PHLDB1: variants seen among roughly 807,000 people sequenced by gnomAD.
PHLDB1 encodes pleckstrin homology like domain family B member 1, also known as pleckstrin homology-like domain family B member 1.
A neutral mutation model predicts 139.3 loss-of-function variants in PHLDB1; 65 were observed. That is an observed-to-expected ratio of 0.47 (90% CI 0.38 to 0.57). The LOEUF is 0.57. Ranked by LOEUF, PHLDB1 falls within the 20% of genes least tolerant of loss-of-function variation. PHLDB1 has a pLI of 0.00. For missense variants in PHLDB1, 1,624 were observed against 1,839.7 expected (o/e 0.88, Z 2.14); for synonymous variants, 679 against 734.5 (o/e 0.92, Z 1.22).
chr11:118,645,783 G>A lies in PHLDB1; in HGVS notation c.3465G>A (p.Leu1155=). The A allele has an allele frequency of 1.9e-6, 3 of 1,613,800 alleles. No homozygotes were observed. Among genetic ancestry groups the A allele is most frequent in the Non-Finnish European group, 2.5e-6 (3 of 1,179,722 alleles). ...MGKIEEMEKM[L]KEAHAEKNRL... ...AGATCGAGGAGATGGAGAAGATGCT[G>A]AAAGAGGCTCATGCAGAGAAGAACC... The change falls in exon 17 of 23, where the codon CTG becomes CTA. Residue 1155 remains leucine (L), a synonymous_variant. Transcript: ENST00000600882. The surrounding 1 kb of genome is among the most constrained non-coding windows in gnomAD (Gnocchi z 5.1).
At chr11:118,612,436 A>G (rs1940639233) in intron 1 of PHLDB1, among the ~76,000 whole-genome samples, 1 of 152,172 alleles carries the variant, frequency 6.6e-6, no homozygotes. Flanking sequence ...AGTCTAAGGA[A>G]GCAGTACAGC....
At position 118,628,199 on chromosome 11, in the gene PHLDB1, C is replaced by A. The variant is rs781967890; in HGVS notation, c.1376C>A (p.Pro459His). 5 of 1,614,098 alleles carry A rather than the reference C, an allele frequency of 3.1e-6. No individual in the cohort carries two copies. Among genetic ancestry groups the A allele is most frequent in the East Asian group, 2.2e-5 (1 of 44,864 alleles). Residue 459 changes from proline (P) to histidine (H), a missense_variant, in exon 6 of 23, where the codon CCC (proline) becomes CAC (histidine). By Grantham distance (77) the Pro-to-His change is moderately conservative. Transcript: ENST00000600882. ...RGLDSMRELP[P>H]LSPSLSRRAL... ...CTGGACAGTATGCGAGAACTACCCC[C>A]CTTAAGTCCATCTCTGTCCCGGCGA...
In PHLDB1 at chr11:118,650,515, A is replaced by G; in HGVS notation, c.3842A>G (p.Asp1281Gly). ...KSWKKRWFVF[D>G]RLKRTLSYYV... ...TGGAAGAAGCGCTGGTTTGTCTTCG[A>G]CCGGCTCAAGCGCACCCTTTCCTAT... Residue 1281 changes from aspartate (D) to glycine (G), a missense_variant, in exon 20 of 23, where the codon GAC becomes GGC. Coordinates refer to ENST00000600882, the MANE Select transcript of PHLDB1 (RefSeq NM_001144758.3). The surrounding 1 kb of genome is among the most constrained non-coding windows in gnomAD (Gnocchi z 4.7). 1 of 1,614,058 alleles carries G rather than the reference A, an allele frequency of 6.2e-7. No homozygotes were observed. Among genetic ancestry groups the G allele is most frequent in the Non-Finnish European group, 8.5e-7 (1 of 1,179,932 alleles).
rs782261861 is a variant in PHLDB1 at position 118,645,399 on chromosome 11, G to A, written c.3165G>A (p.Leu1055=). The change falls in exon 16 of 23, where the codon CTG becomes CTA. Residue 1055 remains leucine, a synonymous_variant. Transcript: ENST00000600882. This position sits in a 1 kb window ranked among gnomAD's most constrained non-coding sequence, Gnocchi z 5.1. ...IEEQRRRLAE[L]KQKAAAEAQC... is the part of the protein sequence containing the mutation. ...AGCAGCGGCGGCGACTGGCTGAGCT[G>A]AAGCAGAAAGCGGCAGCTGAGGCAC... 1 of 1,526,288 alleles carries A rather than the reference G, an allele frequency of 6.6e-7. No homozygotes were observed. The highest frequency in any genetic ancestry group is 8.8e-7 in the Non-Finnish European group (1 of 1,136,968). The allele number at this position is 1,526,288 out of a possible 1,614,324, so 94.5% of individuals were successfully genotyped here.
In PHLDB1 at chr11:118,616,905, C is replaced by T. The variant is rs188580039; in HGVS notation, c.355+694C>T. Reference sequence around the variant, plus strand: ...ACCCAAAATACAAAAATTAGCCACACGTGGTGGCACACGCCTGTAGTCCTA... The same window carrying T: ...ACCCAAAATACAAAAATTAGCCACATGTGGTGGCACACGCCTGTAGTCCTA... On this transcript the variant is annotated intron_variant, in intron 4 of 22. Transcript: ENST00000600882. Among the ~76,000 whole-genome samples, 69 of 152,158 alleles carry T rather than the reference C, an allele frequency of 4.5e-4. No homozygotes were observed. In the East Asian group the frequency reaches 9.1e-3, roughly 20 times the overall value.
At position 118,627,945 on chromosome 11, in the gene PHLDB1, A is replaced by G; in HGVS notation, c.1122A>G (p.Gln374=). ...SEYPASGALS[Q]PTSIPGSPKF... Reference sequence around the variant, plus strand: ...ACCCAGCTTCTGGTGCTCTCAGTCAACCCACCAGCATTCCTGGCAGCCCCA... The same window carrying G: ...ACCCAGCTTCTGGTGCTCTCAGTCAGCCCACCAGCATTCCTGGCAGCCCCA... The change falls in exon 6 of 23, where the codon CAA becomes CAG. Residue 374 remains glutamine (Q), a synonymous_variant. Transcript: ENST00000600882. The G allele has an allele frequency of 6.2e-7, 1 of 1,613,428 alleles. No individual in the cohort carries two copies. Among genetic ancestry groups the G allele is most frequent in the Non-Finnish European group, 8.5e-7 (1 of 1,179,988 alleles).
intron 12 of PHLDB1, chr11:118,641,825 G>C (rs1555121088): frequency 4.8e-6 from 6 of 1,261,174 alleles, no homozygotes; most frequent in Middle Eastern, 2.2e-4. Flanking sequence ...ACCCATGACT[G>C]GTGTGCTCTG....
In PHLDB1 at chr11:118,610,974, G is replaced by A. The variant is rs1486829702; in HGVS notation, c.-21-2842G>A. 1.3e-5 allele frequency among the ~76,000 whole-genome samples: 2 copies of A among 152,150 alleles called. No individual in the cohort carries two copies. The highest frequency in any genetic ancestry group is 2.9e-5 in the Non-Finnish European group (2 of 68,004). ...ACCCAGCGTGCGGGAGGGCACCCAGGGCCGGACGCGCACCGCAGGGGTCTT... is the reference window on the plus strand; with the variant it reads ...ACCCAGCGTGCGGGAGGGCACCCAGAGCCGGACGCGCACCGCAGGGGTCTT... On this transcript the variant is annotated intron_variant, in intron 1 of 22. Transcript: ENST00000600882. This position sits in a 1 kb window ranked among gnomAD's most constrained non-coding sequence, Gnocchi z 8.7.
Position 118,628,510 on chromosome 11 carries a change from T to C in PHLDB1, c.1687T>C (p.Ser563Pro). ...GAGTCCCTGTGTCCAGAGGAAGCTC[T>C]CCAGCGGGGACTTGCGGGTGCCTGT... ...CQSPCVQRKL[S>P]SGDLRVPVTR... is the part of the protein sequence containing the mutation. The change falls in exon 6 of 23, where the codon TCC becomes CCC. Residue 563 changes from serine (S) to proline (P), a missense_variant. By Grantham distance (74) the Ser-to-Pro change is moderately conservative. Coordinates refer to ENST00000600882, the MANE Select transcript of PHLDB1 (RefSeq NM_001144758.3). The C allele has an allele frequency of 1.2e-6, 2 of 1,613,246 alleles. No individual in the cohort carries two copies. The highest frequency in any genetic ancestry group is 8.5e-7 in the Non-Finnish European group (1 of 1,180,022).
In PHLDB1 at chr11:118,611,824, A is replaced by AT. The variant is rs11425129; in HGVS notation, c.-21-1992_-21-1991insT. Among the ~76,000 whole-genome samples, 41,599 of 148,208 alleles carry AT rather than the reference A, an allele frequency of 0.28. 6,754 individuals are homozygous for AT. Among genetic ancestry groups the AT allele is most frequent in the East Asian group, 0.43 (2,199 of 5,084 alleles). ...CAAGAGTGAAACTCCGTCTCAAAAAAAAAAAAAAAATAATAATAATAATAA... is the reference window on the plus strand; with the variant it reads ...CAAGAGTGAAACTCCGTCTCAAAAAATAAAAAAAAAATAATAATAATAATAA... On this transcript the variant is annotated intron_variant, in intron 1 of 22. Transcript: ENST00000600882. The surrounding 1 kb of genome is among the most constrained non-coding windows in gnomAD (Gnocchi z 4.7).
intron 4 of PHLDB1, among the ~76,000 whole-genome samples, chr11:118,617,087 C>T (rs575152572): frequency 6.6e-6 from 1 of 152,088 alleles, no homozygotes; most frequent in East Asian, 1.9e-4. Flanking sequence ...AAAAACTAGG[C>T]CCATAATTAC....
chr11:118,642,416 G>A lies in PHLDB1; in HGVS notation c.2877+22G>A, dbSNP rs377347291. On this transcript the variant is annotated intron_variant, in intron 13 of 22. Transcript: ENST00000600882. ...GCAGGTAACCCCTCCTTCACTGCCCGTCCTCCCCAGCCTTTGCACCTGTCC... is the reference window on the plus strand; with the variant it reads ...GCAGGTAACCCCTCCTTCACTGCCCATCCTCCCCAGCCTTTGCACCTGTCC... 981 of 1,601,056 alleles carry A rather than the reference G, an allele frequency of 6.1e-4. 2 individuals are homozygous for A. Among genetic ancestry groups the A allele is most frequent in the Non-Finnish European group, 7.6e-4 (900 of 1,178,204 alleles).
At chr11:118,649,290 A>G (rs1458476902) in intron 18 of PHLDB1, among the ~76,000 whole-genome samples, 1 of 150,900 alleles carries the variant, frequency 6.6e-6, no homozygotes, top group African/African-American at 2.4e-5. Flanking sequence ...CAGGAAAAAA[A>G]AAAAAGAAAA....
intron 5 of PHLDB1, among the ~76,000 whole-genome samples, chr11:118,625,315 G>T (rs1943668194): frequency 2.0e-5 from 3 of 152,214 alleles, no homozygotes; most frequent in Admixed American, 2.0e-4. Flanking sequence ...GTACCCCACT[G>T]CCCTGGAGGA....
chr11:118,643,397 T>C (rs1555123084), intron 13 of PHLDB1: 1 of 373,912 alleles, frequency 2.7e-6, no homozygotes, highest in Non-Finnish European at 3.7e-6. Context: ...CCCCCTTCTT[T>C]TGCAGATAAG....
chr11:118,635,277 C>T, intron 9 of PHLDB1, 116 bp from the exon 10 acceptor site: 4 of 1,253,444 alleles, frequency 3.2e-6, no homozygotes, highest in Non-Finnish European at 4.4e-6. Flanking sequence ...AGGCAGGTTT[C>T]TTACCCAATT....
chr11:118,610,489 G>T lies in PHLDB1; in HGVS notation c.-22+2790G>T. The T allele has an allele frequency of 1.0e-6, 1 of 984,406 alleles. No individual in the cohort carries two copies. The highest frequency in any genetic ancestry group is 1.7e-5 in the African/African-American group (1 of 57,346). The allele number at this position is 984,406 out of a possible 1,614,324, so 61.0% of individuals were successfully genotyped here. A position where few individuals can be genotyped will look rare whatever the true frequency, so the allele number is the denominator to read the frequency against. On this transcript the variant is annotated intron_variant, in intron 1 of 22. Transcript: ENST00000600882. This position sits in a 1 kb window ranked among gnomAD's most constrained non-coding sequence, Gnocchi z 8.7. ...GGGCCTCTGGCCACAGCCATGCACC[G>T]CTTGGGCCGAGGCCGAGGCCGACCC... is the stretch of plus-strand genomic sequence containing the variant.
rs140767917 is a variant in PHLDB1, at chr11:118,618,500, G to C, written c.355+2289G>C. On this transcript the variant is annotated intron_variant, in intron 4 of 22. Transcript: ENST00000600882. ...TGTGTAACCGGAGTGTGTTTATGTA[G>C]CTCCGGATGTGTTTGTGACTCTGGG... Among the ~76,000 whole-genome samples the C allele has an allele frequency of 9.8e-4, 149 of 152,204 alleles. 2 individuals are homozygous for C. Among genetic ancestry groups the C allele is most frequent in the East Asian group, 3.1e-3 (16 of 5,170 alleles).
In PHLDB1 at chr11:118,644,061, T is replaced by C. The variant is rs201445463; in HGVS notation, c.3019-11T>C. ...TCTGAGCCCAGGTCCGAACTCTCCA[T>C]TCCTCTGCAGAGCGCTCTACTCACC... On this transcript the variant is annotated splice_polypyrimidine_tract_variant and intron_variant, in intron 14 of 22. Transcript: ENST00000600882. 6.2e-7 allele frequency: 1 copy of C among 1,612,938 alleles called. No homozygotes were observed. Among genetic ancestry groups the C allele is most frequent in the African/African-American group, 1.3e-5 (1 of 75,024 alleles).
Sources: gnomAD v4.1 joint callset for allele counts (sites outside exome capture counted in the v4.1 genomes callset) on GRCh38, gnomAD v4.1.1 for gene constraint, Gnocchi (gnomAD v3.1) non-coding constraint, MANE v1.5 for transcripts, NCBI Gene and HGNC (gene_info 2026-07-23, HGNC 2026-07-21) for gene names.